The following HDAC4 variants were observed in gnomAD, a reference collection of about 807,000 sequenced individuals.
HDAC4 encodes the protein histone deacetylase 4.
In HDAC4, 16 loss-of-function variants were observed where a neutral mutation model predicts 135.1. That is an observed-to-expected ratio of 0.12 (90% CI 0.08 to 0.18). The LOEUF is 0.18. Ranked by LOEUF, HDAC4 falls within the 10% of genes least tolerant of loss-of-function variation. The pLI, the probability that HDAC4 is intolerant of heterozygous loss-of-function variation, is 1.00. For missense variants in HDAC4, 1,143 were observed against 1,511.8 expected, an observed-to-expected ratio of 0.76 and a Z score of 4.05; for synonymous variants, 685 against 653.4, an observed-to-expected ratio of 1.05 and a Z score of -0.74.
chr2:239,342,572 G>A (rs1692357728), intron 2 of HDAC4, among the ~76,000 whole-genome samples: 1 of 152,180 alleles, frequency 6.6e-6, no homozygotes, highest in African/African-American at 2.4e-5. Flanking sequence ...GAGTCTTGGT[G>A]AAAGCTAGGA....
intron 14 of HDAC4, among the ~76,000 whole-genome samples, chr2:239,109,304 T>C (rs2038454232): frequency 6.6e-6 from 1 of 152,090 alleles, no homozygotes; most frequent in Admixed American, 6.5e-5. Flanking sequence ...GGGCGCACGG[T>C]GAAGAGCCTG....
At chr2:239,358,901 G>A (rs150943019) in intron 1 of HDAC4, among the ~76,000 whole-genome samples, 50 of 152,210 alleles carry the variant, frequency 3.3e-4, no homozygotes, top group African/African-American at 1.1e-3. Context: ...CAGCCTTACC[G>A]TATCCAGGTA....
At chr2:239,204,384 T>C (rs947827908) in intron 3 of HDAC4, among the ~76,000 whole-genome samples, 5 of 152,206 alleles carry the variant, frequency 3.3e-5, no homozygotes, top group Non-Finnish European at 5.9e-5. Context: ...CAGGGCTCCG[T>C]AGGGAAGGTG....
chr2:239,055,440 G>A (rs1311403925), intron 24 of HDAC4: 1 of 164,696 alleles, frequency 6.1e-6, no homozygotes, highest in Non-Finnish European at 1.3e-5. Flanking sequence ...TGACTGGCCG[G>A]GCGTGGTGGC....
chr2:239,209,729 G>A (rs1356747579), intron 3 of HDAC4, among the ~76,000 whole-genome samples: 2 of 152,194 alleles, frequency 1.3e-5, no homozygotes, highest in Non-Finnish European at 2.9e-5. Flanking sequence ...GAATCTCAGA[G>A]GAGCTACTTT....
In HDAC4 at chr2:239,190,180, G is replaced by A. The variant is rs1408110723; in HGVS notation, c.95-103C>T. ...ACTGGCCACCTTCACGGGGCGGGGG[G>A]GGGGTTGTGACCATTTGAGGATTGG... On this transcript the variant is annotated intron_variant, in intron 3 of 26. Coordinates refer to ENST00000543185, the MANE Select transcript of HDAC4 (RefSeq NM_001378414.1). 2.8e-6 allele frequency: 4 copies of A among 1,434,850 alleles called. No homozygotes were observed. In the East Asian group the frequency reaches 7.6e-5, roughly 27 times the overall value. 88.9% of individuals were successfully genotyped at this position (1,434,850 alleles called of 1,614,324 possible).
rs193067830 is a variant in HDAC4 at position 239,156,839 on chromosome 2, G to A, written c.612-66C>T. The A allele has an allele frequency of 4.7e-4, 743 of 1,593,828 alleles. 4 individuals are homozygous for A. In the African/African-American group the frequency reaches 8.2e-3, roughly 18 times the overall value. On this transcript the variant is annotated intron_variant, in intron 6 of 26. Transcript: ENST00000543185. ...GCACTGCCCCAGGCATGCTGCAGCC[G>A]AGAAGCCACACACGATGATCTTTCC...
chr2:239,360,882 A>G (rs1021468598), intron 1 of HDAC4, among the ~76,000 whole-genome samples: 5 of 152,120 alleles, frequency 3.3e-5, no homozygotes, highest in Admixed American at 3.3e-4. Flanking sequence ...GGTGTGCTGT[A>G]GGAAAAAGGC....
In HDAC4 at chr2:239,334,069, A is replaced by G. The variant is rs116673288; in HGVS notation, c.22+18609T>C. On this transcript the variant is annotated intron_variant, in intron 2 of 26. Coordinates refer to ENST00000543185, the MANE Select transcript of HDAC4 (RefSeq NM_001378414.1). ...CATAGACAATATGCATTAAAAACCC[A>G]AAAGAATATATAGATAATGAGTATA... Among the ~76,000 whole-genome samples, 1,473 of 152,334 alleles carry G rather than the reference A, an allele frequency of 9.7e-3. 31 individuals carry two copies. Among genetic ancestry groups the G allele is most frequent in the African/African-American group, 0.033 (1,380 of 41,576 alleles).
At chr2:239,363,182 G>A (rs1693967626) in intron 1 of HDAC4, among the ~76,000 whole-genome samples, 2 of 152,216 alleles carry the variant, frequency 1.3e-5, no homozygotes, top group Admixed American at 6.5e-5. Flanking sequence ...AATATACCAT[G>A]TGCATGGACC....
chr2:239,283,060 C>T (rs939032737), intron 2 of HDAC4, among the ~76,000 whole-genome samples: 2 of 152,276 alleles, frequency 1.3e-5, no homozygotes, highest in African/African-American at 4.8e-5. Context: ...CACCACTCCA[C>T]AAACAAAACA....
intron 1 of HDAC4, among the ~76,000 whole-genome samples, chr2:239,366,025 GCA>G (rs1181615941): frequency 6.7e-6 from 1 of 149,598 alleles, no homozygotes; most frequent in Non-Finnish European, 1.5e-5. Flanking sequence ...AAACACGCAT[GCA>G]CAGAGCAGGG....
rs1204567624 is a variant in HDAC4 at position 239,240,981 on chromosome 2, T to G, written c.23-4317A>C. Among the ~76,000 whole-genome samples, 4 of 152,158 alleles carry G rather than the reference T, an allele frequency of 2.6e-5. No individual in the cohort carries two copies. The highest frequency in any genetic ancestry group is 5.9e-5 in the Non-Finnish European group (4 of 68,004). On this transcript the variant is annotated intron_variant, in intron 2 of 26. Coordinates refer to ENST00000543185, the MANE Select transcript of HDAC4 (RefSeq NM_001378414.1). This position sits in a 1 kb window ranked among gnomAD's most constrained non-coding sequence, Gnocchi z 4.5. ...CTTCTGGAGCCAAAGGAACCTCACT[T>G]TCACCCGGAGGGCCCAGGCCCCCCA...
intron 15 of HDAC4, among the ~76,000 whole-genome samples, chr2:239,106,262 T>G (rs906867710): frequency 1.3e-5 from 2 of 152,162 alleles, no homozygotes; most frequent in African/African-American, 4.8e-5. Flanking sequence ...CCTCCCTTGC[T>G]TGCATTTGCT....
At chr2:239,230,244 G>A (rs1303370964) in intron 3 of HDAC4, among the ~76,000 whole-genome samples, 1 of 151,970 alleles carries the variant, frequency 6.6e-6, no homozygotes, top group Non-Finnish European at 1.5e-5. Context: ...GGTCAAGAAG[G>A]GGGTCCATTC....
At chr2:239,090,178 G>T in intron 17 of HDAC4, 62 bp from the exon 18 acceptor site, 1 of 1,212,608 alleles carries the variant, frequency 8.2e-7, no homozygotes. Context: ...ACCAGCCCTG[G>T]CTGGGCAGAG....
chr2:239,084,795 A>C lies in HDAC4; in HGVS notation c.2445-553T>G, dbSNP rs1303279415. 4.9e-4 allele frequency among the ~76,000 whole-genome samples: 69 copies of C among 140,762 alleles called. 1 individual carries two copies. The highest frequency in any genetic ancestry group is 1.7e-3 in the African/African-American group (61 of 36,948). 92.3% of individuals were successfully genotyped at this position (140,762 alleles called of 152,430 possible). ...CACACTCCACACAGACACACACCCC[A>C]CACACACCCCACACCCCACAGATAG... On this transcript the variant is annotated intron_variant, in intron 19 of 26. Transcript: ENST00000543185.
Position 239,139,445 on chromosome 2 carries a change from C to T in HDAC4, c.978+239G>A, listed in dbSNP as rs1177394297. Reference sequence around the variant, plus strand: ...TCAGGAGAAAGGACCAGGCTCAGGGCTGTCCCCGACGTGCCTGGAACTAGC... The same window carrying T: ...TCAGGAGAAAGGACCAGGCTCAGGGTTGTCCCCGACGTGCCTGGAACTAGC... On this transcript the variant is annotated intron_variant, in intron 9 of 26. Coordinates refer to ENST00000543185, the MANE Select transcript of HDAC4 (RefSeq NM_001378414.1). This position sits in a 1 kb window ranked among gnomAD's most constrained non-coding sequence, Gnocchi z 5.3. Among the ~76,000 whole-genome samples the T allele has an allele frequency of 3.3e-5, 5 of 152,182 alleles. No homozygotes were observed. Among genetic ancestry groups the T allele is most frequent in the African/African-American group, 1.2e-4 (5 of 41,436 alleles).
chr2:239,123,438 C>T (rs3791445), intron 12 of HDAC4, among the ~76,000 whole-genome samples: 94,861 of 152,010 alleles, frequency 0.62, 30,172 homozygotes, highest in East Asian at 0.88. Flanking sequence ...GTCCAGTGGG[C>T]AGCAGGGGCC....
Sources: allele counts gnomAD v4.1 joint callset (sites outside exome capture counted in the v4.1 genomes callset), GRCh38; gene constraint gnomAD v4.1.1; non-coding constraint Gnocchi (gnomAD v3.1); transcripts MANE v1.5; gene names NCBI Gene and HGNC (gene_info 2026-07-23, HGNC 2026-07-21).